Variants in FUT9 observed in about 807,000 individuals in gnomAD.
FUT9 encodes fucosyltransferase 9, also known as 4-galactosyl-N-acetylglucosaminide 3-alpha-L-fucosyltransferase 9.
In FUT9, 15 loss-of-function variants were observed where a neutral mutation model predicts 29.7. That is an observed-to-expected ratio of 0.51 (90% CI 0.34 to 0.78). The LOEUF (loss-of-function observed/expected upper bound fraction) is 0.78, where lower values mean the gene tolerates loss of function less well. FUT9 is among the 30% of genes least tolerant of loss of function. The pLI is 0.01. For synonymous variants in FUT9, 169 were observed against 153.7 expected, an observed-to-expected ratio of 1.10 and a Z score of -0.74; for missense variants, 319 against 425.4, an observed-to-expected ratio of 0.75 and a Z score of 2.20.
chr6:96,162,322 CAT>C (rs1772927338), intron 2 of FUT9, among the ~76,000 whole-genome samples: 1 of 152,094 alleles, frequency 6.6e-6, no homozygotes, highest in Non-Finnish European at 1.5e-5. Context: ...GTAGGTATGT[CAT>C]GTGTCAAATC....
rs1774004362 is a variant in FUT9, at chr6:96,214,675, T to TCTC, written c.*10445_*10447dup. Reference sequence around the variant, plus strand: ...AGGTAATATGTGTGGATCAATCATCTCTCCTCCCATGAAATTAATCATTCA... The same window carrying TCTC: ...AGGTAATATGTGTGGATCAATCATCTCTCCTCCTCCCATGAAATTAATCATTCA... On this transcript the variant is annotated 3_prime_UTR_variant, in exon 3 of 3. Coordinates refer to ENST00000302103, the MANE Select transcript of FUT9 (RefSeq NM_006581.4). The TCTC allele has an allele frequency of 6.0e-6, 1 of 167,006 alleles. No individual in the cohort carries two copies. Among genetic ancestry groups the TCTC allele is most frequent in the African/African-American group, 2.4e-5 (1 of 41,516 alleles). 10.3% of individuals were successfully genotyped at this position (167,006 alleles called of 1,614,324 possible). A position where few individuals can be genotyped will look rare whatever the true frequency, so the allele number is the denominator to read the frequency against.
intron 1 of FUT9, among the ~76,000 whole-genome samples, chr6:96,065,171 C>T (rs1216599828): frequency 6.6e-6 from 1 of 151,952 alleles, no homozygotes; most frequent in Admixed American, 6.6e-5. Context: ...TAGACTTGGC[C>T]AAATTATAAA....
intron 1 of FUT9, among the ~76,000 whole-genome samples, chr6:96,031,218 T>G (rs1317052726): frequency 6.6e-6 from 1 of 151,580 alleles, no homozygotes; most frequent in Non-Finnish European, 1.5e-5. Flanking sequence ...TTCCTTGCAA[T>G]TTGAACATTT....
chr6:96,081,313 CACAA>C (rs1771233665), intron 1 of FUT9, among the ~76,000 whole-genome samples: 1 of 151,034 alleles, frequency 6.6e-6, no homozygotes. Flanking sequence ...TTCTTTCACA[CACAA>C]ACACACACCC....
intron 2 of FUT9, among the ~76,000 whole-genome samples, chr6:96,157,216 GTT>G (rs1772802364): frequency 6.6e-6 from 1 of 152,010 alleles, no homozygotes; most frequent in Non-Finnish European, 1.5e-5. Flanking sequence ...CTTCACTTTC[GTT>G]TTCTCTTGTA....
intron 2 of FUT9, among the ~76,000 whole-genome samples, chr6:96,117,827 C>A (rs559734373): frequency 6.6e-6 from 1 of 152,114 alleles, no homozygotes; most frequent in African/African-American, 2.4e-5. Context: ...AAAATTCTGG[C>A]AAATTTTATA....
At chr6:96,168,669 A>G (rs1474487623) in intron 2 of FUT9, among the ~76,000 whole-genome samples, 3 of 152,258 alleles carry the variant, frequency 2.0e-5, no homozygotes, top group African/African-American at 7.2e-5. Flanking sequence ...GAAAGTGAAC[A>G]TGTAGACAAT....
chr6:96,105,550 A>G (rs1417623189), intron 1 of FUT9, among the ~76,000 whole-genome samples: 1 of 152,206 alleles, frequency 6.6e-6, no homozygotes, highest in Non-Finnish European at 1.5e-5. Flanking sequence ...ATACTATGCT[A>G]AATTTTATCA....
At chr6:96,072,976 C>T (rs2127948075) in intron 1 of FUT9, among the ~76,000 whole-genome samples, 1 of 152,166 alleles carries the variant, frequency 6.6e-6, no homozygotes, top group East Asian at 1.9e-4. Flanking sequence ...AGACACTCCT[C>T]CTACCTTTAG....
intron 1 of FUT9, among the ~76,000 whole-genome samples, chr6:96,096,146 C>G (rs1771490674): frequency 6.6e-6 from 1 of 152,124 alleles, no homozygotes; most frequent in African/African-American, 2.4e-5. Flanking sequence ...TATCATCACT[C>G]TTAAACCAGG....
intron 1 of FUT9, among the ~76,000 whole-genome samples, chr6:96,056,693 A>G (rs998253671): frequency 6.6e-6 from 1 of 152,080 alleles, no homozygotes; most frequent in Non-Finnish European, 1.5e-5. Flanking sequence ...GAGTAGGCAG[A>G]GCTATGATCG....
chr6:96,083,419 A>G (rs1310074325), intron 1 of FUT9, among the ~76,000 whole-genome samples: 3 of 152,106 alleles, frequency 2.0e-5, no homozygotes, highest in African/African-American at 7.2e-5. Flanking sequence ...CTGTCCATTT[A>G]CTTATTCTAT....
At chr6:96,135,790 G>A (rs1258031509) in intron 2 of FUT9, among the ~76,000 whole-genome samples, 1 of 151,658 alleles carries the variant, frequency 6.6e-6, no homozygotes, top group Non-Finnish European at 1.5e-5. Context: ...TTTGATAAAG[G>A]TTAGATCTTA....
chr6:96,059,704 G>T (rs1298007367), intron 1 of FUT9, among the ~76,000 whole-genome samples: 2 of 152,100 alleles, frequency 1.3e-5, no homozygotes. Flanking sequence ...TGCTTGTTTT[G>T]AATTTAGTTT....
chr6:96,116,368 T>C (rs1404987689), intron 2 of FUT9, among the ~76,000 whole-genome samples: 1 of 152,216 alleles, frequency 6.6e-6, no homozygotes, highest in Non-Finnish European at 1.5e-5. Flanking sequence ...CTTTGGAATG[T>C]ACAAGTTTCC....
chr6:96,178,219 T>TC (rs1271051682), intron 2 of FUT9, among the ~76,000 whole-genome samples: 1 of 152,182 alleles, frequency 6.6e-6, no homozygotes, highest in African/African-American at 2.4e-5. Context: ...GCACGATTTT[T>TC]CCCTTTTGAA....
At chr6:96,048,795 A>G (rs975724066) in intron 1 of FUT9, among the ~76,000 whole-genome samples, 1 of 152,106 alleles carries the variant, frequency 6.6e-6, no homozygotes, top group African/African-American at 2.4e-5. Flanking sequence ...GGAACTGACC[A>G]AGTACAATTG....
chr6:96,027,896 A>G (rs1770194476), intron 1 of FUT9, among the ~76,000 whole-genome samples: 1 of 151,634 alleles, frequency 6.6e-6, no homozygotes, highest in African/African-American at 2.4e-5. Context: ...TTCTTCATAA[A>G]AAAACAGGTT....
At chr6:96,126,092 C>T (rs559646833) in intron 2 of FUT9, among the ~76,000 whole-genome samples, 25 of 152,208 alleles carry the variant, frequency 1.6e-4, no homozygotes, top group Middle Eastern at 3.4e-3. Context: ...TCTCTCATGT[C>T]GGCGCAGGTT....
Sources: gnomAD v4.1 joint callset for allele counts (sites outside exome capture counted in the v4.1 genomes callset) on GRCh38, gnomAD v4.1.1 for gene constraint, MANE v1.5 for transcripts, NCBI Gene and HGNC (gene_info 2026-07-23, HGNC 2026-07-21) for gene names.